The following FNDC3B variants were observed in gnomAD, a reference collection of about 807,000 sequenced individuals.
FNDC3B encodes the protein fibronectin type III domain-containing protein 3B.
Under a neutral mutation model 151.5 loss-of-function variants are expected in FNDC3B, and 12 were observed. That is an observed-to-expected ratio of 0.08 (90% confidence interval 0.05 to 0.13). The LOEUF is 0.13. Ranked by LOEUF, FNDC3B falls within the 10% of genes least tolerant of loss-of-function variation. The pLI is 1.00. For synonymous variants in FNDC3B, 528 were observed against 549.0 expected (o/e 0.96, Z 0.54); for missense variants, 1,214 against 1,505.3 (o/e 0.81, Z 3.20).
At chr3:172,074,439 T>C (rs747117845) in intron 1 of FNDC3B, among the ~76,000 whole-genome samples, 2 of 152,204 alleles carry the variant, frequency 1.3e-5, no homozygotes, top group Non-Finnish European at 2.9e-5. Flanking sequence ...AAGGAAAAAT[T>C]AGCACAAGGT....
chr3:172,208,492 T>C (rs995159214), intron 3 of FNDC3B, among the ~76,000 whole-genome samples: 1 of 152,156 alleles, frequency 6.6e-6, no homozygotes, highest in African/African-American at 2.4e-5. Flanking sequence ...GTGGACAATA[T>C]GGTTTATTTT....
intron 25 of FNDC3B, among the ~76,000 whole-genome samples, chr3:172,386,818 T>A (rs1419113285): frequency 6.6e-6 from 1 of 151,958 alleles, no homozygotes; most frequent in Non-Finnish European, 1.5e-5. Context: ...ACATTTAATT[T>A]CATGGTATTT....
chr3:172,231,563 TG>T (rs1249628051), intron 4 of FNDC3B, among the ~76,000 whole-genome samples: 1 of 152,110 alleles, frequency 6.6e-6, no homozygotes, highest in Non-Finnish European at 1.5e-5. Context: ...TTATTGGTGG[TG>T]GTGATGGTGA....
intron 2 of FNDC3B, among the ~76,000 whole-genome samples, chr3:172,124,970 T>C (rs948367551): frequency 3.9e-5 from 6 of 152,204 alleles, no homozygotes; most frequent in African/African-American, 1.4e-4. Context: ...TATTTGCAAC[T>C]GGCAAATCAC....
At chr3:172,054,566 C>T (rs1327603986) in intron 1 of FNDC3B, among the ~76,000 whole-genome samples, 1 of 152,220 alleles carries the variant, frequency 6.6e-6, no homozygotes, top group East Asian at 1.9e-4. Context: ...CCGTTTCTGG[C>T]TTCTTCACAG....
chr3:172,373,207 G>T (rs141588332), intron 23 of FNDC3B, among the ~76,000 whole-genome samples: 5 of 152,316 alleles, frequency 3.3e-5, no homozygotes, highest in African/African-American at 9.6e-5. Flanking sequence ...ATTTCCTGCT[G>T]CTTTAGGTCC....
At chr3:172,187,455 G>A (rs2108663025) in intron 3 of FNDC3B, among the ~76,000 whole-genome samples, 1 of 152,122 alleles carries the variant, frequency 6.6e-6, no homozygotes, top group Non-Finnish European at 1.5e-5. Context: ...TTGGCCACTT[G>A]GTAAATACTG....
intron 23 of FNDC3B, among the ~76,000 whole-genome samples, chr3:172,375,683 G>A (rs1346573658): frequency 2.0e-5 from 3 of 152,174 alleles, no homozygotes; most frequent in African/African-American, 4.8e-5. Flanking sequence ...TCAGAGCAAC[G>A]AGCAGATCAT....
intron 3 of FNDC3B, among the ~76,000 whole-genome samples, chr3:172,153,365 G>A (rs1332032059): frequency 6.6e-6 from 1 of 152,132 alleles, no homozygotes; most frequent in Non-Finnish European, 1.5e-5. Context: ...TCCAAGCCGA[G>A]TGCTCCCTGC....
chr3:172,232,378 A>G (rs766163369), intron 4 of FNDC3B, among the ~76,000 whole-genome samples: 2 of 152,258 alleles, frequency 1.3e-5, no homozygotes, highest in Non-Finnish European at 2.9e-5. Context: ...AGTAATAAGC[A>G]GATAATAAAC....
At chr3:172,195,683 T>A (rs1015435519) in intron 3 of FNDC3B, among the ~76,000 whole-genome samples, 2 of 152,134 alleles carry the variant, frequency 1.3e-5, no homozygotes, top group African/African-American at 4.8e-5. Context: ...GCAGAAGGGG[T>A]CATTCCCATT....
intron 3 of FNDC3B, among the ~76,000 whole-genome samples, chr3:172,219,765 A>G (rs753240770): frequency 1.3e-5 from 2 of 152,254 alleles, no homozygotes; most frequent in African/African-American, 2.4e-5. Flanking sequence ...TTCAAGCTTT[A>G]TCAGCATTGT....
At chr3:172,133,685 T>C (rs1196306305) in intron 3 of FNDC3B, 139 bp downstream of exon 3, 2 of 742,430 alleles carry the variant, frequency 2.7e-6, no homozygotes, top group East Asian at 5.1e-5. Flanking sequence ...TTTTTTTCTG[T>C]CGCATGGTCT....
At chr3:172,257,569 T>TAC (rs10582558) in intron 6 of FNDC3B, among the ~76,000 whole-genome samples, 7,911 of 143,784 alleles carry the variant, frequency 0.055, 269 homozygotes, top group Admixed American at 0.1. Flanking sequence ...CACGCATTCA[T>TAC]ACACACACAC....
intron 3 of FNDC3B, among the ~76,000 whole-genome samples, chr3:172,197,717 A>G (rs1270976537): frequency 6.6e-6 from 1 of 152,224 alleles, no homozygotes; most frequent in African/African-American, 2.4e-5. Flanking sequence ...TCCTATTTCA[A>G]TTAGTTGATA....
chr3:172,137,004 G>A (rs1006546546), intron 3 of FNDC3B, among the ~76,000 whole-genome samples: 1 of 152,196 alleles, frequency 6.6e-6, no homozygotes, highest in Non-Finnish European at 1.5e-5. Flanking sequence ...ACATCCGGCG[G>A]TGTTTTTCTA....
chr3:172,372,916 G>T (rs1734950795), intron 23 of FNDC3B, among the ~76,000 whole-genome samples: 1 of 152,188 alleles, frequency 6.6e-6, no homozygotes, highest in South Asian at 2.1e-4. Context: ...CAAATGGGAG[G>T]AACTGACACT....
intron 16 of FNDC3B, among the ~76,000 whole-genome samples, chr3:172,339,033 G>A (rs1237887945): frequency 1.3e-5 from 2 of 151,870 alleles, no homozygotes; most frequent in Non-Finnish European, 2.9e-5. Context: ...CACCGCGCCC[G>A]GCCCACCATT....
intron 22 of FNDC3B, among the ~76,000 whole-genome samples, chr3:172,354,771 G>T (rs1268480453): frequency 6.6e-6 from 1 of 151,596 alleles, no homozygotes; most frequent in Non-Finnish European, 1.5e-5. Flanking sequence ...AAATATAAAT[G>T]AACAGATCAT....
Sources: gnomAD v4.1 joint callset for allele counts (sites outside exome capture counted in the v4.1 genomes callset) on GRCh38, gnomAD v4.1.1 for gene constraint, MANE v1.5 for transcripts, NCBI Gene and HGNC (gene_info 2026-07-23, HGNC 2026-07-21) for gene names.